The following VPS13B variants were observed in gnomAD, a reference collection of about 807,000 sequenced individuals.
VPS13B encodes the protein vacuolar protein sorting 13 homolog B, also known as intermembrane lipid transfer protein VPS13B.
In VPS13B, 285 loss-of-function variants were observed where a neutral mutation model predicts 426.4. The observed-to-expected ratio is 0.67, with a 90% CI of 0.61 to 0.74. VPS13B has a LOEUF of 0.74. Among genes scored for constraint, VPS13B ranks in the 30% least tolerant of loss-of-function variants. The pLI, the probability that VPS13B is intolerant of heterozygous loss-of-function variation, is 0.00. For synonymous variants in VPS13B, 1,676 were observed against 1,676.4 expected (o/e 1.00, Z 0.01); for missense variants, 4,537 against 4,782.6 (o/e 0.95, Z 1.51).
chr8:99,456,897 T>C (rs1384662564), intron 23 of VPS13B, among the ~76,000 whole-genome samples: 1 of 152,202 alleles, frequency 6.6e-6, no homozygotes, highest in African/African-American at 2.4e-5. Flanking sequence ...TTGATACAGT[T>C]TACCAGTGAA....
At chr8:99,459,298 T>G (rs1277593218) in intron 23 of VPS13B, among the ~76,000 whole-genome samples, 1 of 152,214 alleles carries the variant, frequency 6.6e-6, no homozygotes, top group African/African-American at 2.4e-5. Context: ...TGTCTAATTA[T>G]TCTATCAATT....
chr8:99,642,315 G>T lies in VPS13B; in HGVS notation c.5725G>T (p.Gly1909Cys). The T allele has an allele frequency of 1.2e-6, 2 of 1,614,104 alleles. No individual in the cohort carries two copies. The highest frequency in any genetic ancestry group is 2.7e-5 in the African/African-American group (2 of 75,030). ...AAGGTCATCTGCTAGACAAGCACTT[G>T]GTATAACTATTGTTCGGCAGCCTGG... is the stretch of plus-strand genomic sequence containing the variant. ...STRSSARQALGITIVRQPGRR... is the reference protein window; with the variant it reads ...STRSSARQALCITIVRQPGRR... The change falls in exon 34 of 62, where the codon GGT (glycine) becomes TGT (cysteine). Residue 1909 changes from glycine (G) to cysteine (C), a missense_variant. Coordinates refer to ENST00000357162, the MANE Select transcript of VPS13B (RefSeq NM_152564.5).
intron 21 of VPS13B, among the ~76,000 whole-genome samples, chr8:99,425,163 T>C (rs1320224302): frequency 6.6e-6 from 1 of 152,190 alleles, no homozygotes; most frequent in Admixed American, 6.5e-5. Context: ...CCATTCCTTC[T>C]GAAACTATTC....
chr8:99,678,668 C>T (rs1221702718), intron 35 of VPS13B, among the ~76,000 whole-genome samples: 1 of 152,000 alleles, frequency 6.6e-6, no homozygotes, highest in South Asian at 2.1e-4. Flanking sequence ...GATGCTAGCA[C>T]CCATTGGTGC....
chr8:99,014,861 C>T (rs776541836), intron 2 of VPS13B, among the ~76,000 whole-genome samples: 1 of 151,938 alleles, frequency 6.6e-6, no homozygotes, highest in African/African-American at 2.4e-5. Flanking sequence ...GCAAAAGAAC[C>T]GTAACTTCAA....
intron 21 of VPS13B, among the ~76,000 whole-genome samples, chr8:99,424,951 A>G (rs1257524412): frequency 2.0e-5 from 3 of 152,238 alleles, no homozygotes; most frequent in Non-Finnish European, 4.4e-5. Context: ...ATGCAAATAA[A>G]CTAGAAAATC....
rs199901215 is a variant in VPS13B, at chr8:99,034,860, CGT to C, written c.148-3552_148-3551del. On this transcript the variant is annotated intron_variant, in intron 2 of 61. Coordinates refer to ENST00000357162, the MANE Select transcript of VPS13B (RefSeq NM_152564.5). The stretch of plus-strand genomic sequence containing the variant: ...CTTGAAGTCTTGTCGCATGCGCGCG[CGT>C]GTGTGTGTGTTCCTGTAGTAACAAA... 1.3e-3 allele frequency among the ~76,000 whole-genome samples: 202 copies of C among 151,990 alleles called. 2 individuals are homozygous for C. The East Asian group carries it at 0.022, about 16-fold the overall frequency.
At position 99,139,274 on chromosome 8, in the gene VPS13B, C is replaced by T. The variant is rs1810258905; in HGVS notation, c.1651+2522C>T. 2.0e-5 allele frequency among the ~76,000 whole-genome samples: 3 copies of T among 152,060 alleles called. No homozygotes were observed. In the South Asian group the frequency reaches 6.2e-4, roughly 32 times the overall value. On this transcript the variant is annotated intron_variant, in intron 12 of 61. Transcript: ENST00000357162. ...TTGCTGTTTTGAGATTCATGAGAAC[C>T]ACTGTCTTGCTTTTGGTTTATCCCC...
intron 33 of VPS13B, among the ~76,000 whole-genome samples, chr8:99,606,578 A>T (rs1329293103): frequency 6.7e-6 from 1 of 149,998 alleles, no homozygotes; most frequent in Non-Finnish European, 1.5e-5. Context: ...CAGGAGGGCC[A>T]TAGGGGAGAA....
intron 23 of VPS13B, among the ~76,000 whole-genome samples, chr8:99,452,719 GA>G (rs1818261493): frequency 2.6e-5 from 4 of 152,196 alleles, no homozygotes; most frequent in Admixed American, 2.6e-4. Context: ...GTTCTCTGTA[GA>G]TTTGAGGCTC....
At position 99,236,922 on chromosome 8, in the gene VPS13B, C is replaced by T. The variant is rs1337075241; in HGVS notation, c.2516-37276C>T. Among the ~76,000 whole-genome samples, 3 of 152,338 alleles carry T rather than the reference C, an allele frequency of 2.0e-5. No individual in the cohort carries two copies. In the East Asian group the frequency reaches 5.8e-4, roughly 29 times the overall value. On this transcript the variant is annotated intron_variant, in intron 17 of 61. Coordinates refer to ENST00000357162, the MANE Select transcript of VPS13B (RefSeq NM_152564.5). Reference sequence around the variant, plus strand: ...CTGATAGGGTTTAGCTGTGTCCCCACCCAGATCTCATCTTGAATTCCCACG... The same window carrying T: ...CTGATAGGGTTTAGCTGTGTCCCCATCCAGATCTCATCTTGAATTCCCACG...
chr8:99,638,865 T>A (rs1829178344), intron 33 of VPS13B, among the ~76,000 whole-genome samples: 1 of 152,236 alleles, frequency 6.6e-6, no homozygotes. Context: ...TTTCATTTAA[T>A]GTTGTATCAA....
At chr8:99,606,149 A>G (rs1350581789) in intron 33 of VPS13B, among the ~76,000 whole-genome samples, 2 of 151,946 alleles carry the variant, frequency 1.3e-5, no homozygotes, top group Admixed American at 6.6e-5. Flanking sequence ...CGAGTGATCC[A>G]CCTGCCTTGG....
intron 19 of VPS13B, among the ~76,000 whole-genome samples, chr8:99,365,160 CTTTTT>C (rs920950164): frequency 7.0e-6 from 1 of 143,020 alleles, no homozygotes; most frequent in Non-Finnish European, 1.5e-5. Flanking sequence ...TGTATCTTAC[CTTTTT>C]TTTTTTCTTT....
rs1832848999 is a variant in VPS13B, at chr8:99,714,854, T to C, written c.6455-2317T>C. ...ATTAAAGAATATTAAGAAGCTTTGA[T>C]GATTAAATTCAGTATGGATCCTAGG... On this transcript the variant is annotated intron_variant, in intron 36 of 61. Transcript: ENST00000357162. 2.0e-5 allele frequency among the ~76,000 whole-genome samples: 3 copies of C among 152,290 alleles called. No individual in the cohort carries two copies. In the East Asian group the frequency reaches 5.8e-4, roughly 29 times the overall value.
intron 2 of VPS13B, among the ~76,000 whole-genome samples, chr8:99,020,585 C>T (rs1841836209): frequency 6.6e-6 from 1 of 152,128 alleles, no homozygotes; most frequent in African/African-American, 2.4e-5. Context: ...AGGTTTTCTC[C>T]TATGTTTTCT....
In VPS13B at chr8:99,147,921, A is replaced by G. The variant is rs1294611505; in HGVS notation, c.1924A>G (p.Ser642Gly). 4 of 1,613,724 alleles carry G rather than the reference A, an allele frequency of 2.5e-6. No homozygotes were observed. In the Admixed American group the frequency reaches 5.0e-5, roughly 20 times the overall value. Residue 642 changes from serine (S) to glycine (G), a missense_variant, in exon 14 of 62, where the codon AGT becomes GGT. Transcript: ENST00000357162. ...GGAATATATTCCTACTCGACATACAAGTGTTACTCTCCTCAAATGTACCTG... is the reference window on the plus strand; with the variant it reads ...GGAATATATTCCTACTCGACATACAGGTGTTACTCTCCTCAAATGTACCTG... ...LEEYIPTRHTSVTLLKCTCTI... is the reference protein window; with the variant it reads ...LEEYIPTRHTGVTLLKCTCTI...
intron 19 of VPS13B, among the ~76,000 whole-genome samples, chr8:99,365,770 C>T (rs1329765027): frequency 1.3e-5 from 2 of 151,956 alleles, no homozygotes; most frequent in Non-Finnish European, 2.9e-5. Flanking sequence ...CCCCTTCAGC[C>T]TCCCAAAGTG....
At chr8:99,331,257 A>G (rs1344152561) in intron 19 of VPS13B, among the ~76,000 whole-genome samples, 1 of 151,668 alleles carries the variant, frequency 6.6e-6, no homozygotes, top group Non-Finnish European at 1.5e-5. Context: ...TGCTTAGAAA[A>G]CCTTACTTAA....
Sources: allele counts gnomAD v4.1 joint callset (sites outside exome capture counted in the v4.1 genomes callset), GRCh38; gene constraint gnomAD v4.1.1; transcripts MANE v1.5; gene names NCBI Gene and HGNC (gene_info 2026-07-23, HGNC 2026-07-21).